TBC1D5: variants seen among roughly 807,000 people sequenced by gnomAD.
TBC1D5 encodes TBC1 domain family member 5, also known as TBC1 domain family, member 5.
In TBC1D5, 75 loss-of-function variants were observed where a neutral mutation model predicts 100.3. The observed-to-expected ratio is 0.75, with a 90% CI of 0.62 to 0.91. The LOEUF (loss-of-function observed/expected upper bound fraction) is 0.91, where lower values mean the gene tolerates loss of function less well. TBC1D5 is among the 40% of genes least tolerant of loss of function. The pLI is 0.00. For missense variants in TBC1D5, 910 were observed against 942.4 expected (o/e 0.97, Z 0.45); for synonymous variants, 323 against 325.6 (o/e 0.99, Z 0.09).
At chr3:17,313,353 C>A (rs770823197) in intron 13 of TBC1D5, among the ~76,000 whole-genome samples, 36 of 152,064 alleles carry the variant, frequency 2.4e-4, no homozygotes, top group Non-Finnish European at 4.6e-4. Flanking sequence ...GTTGGGAAAA[C>A]GAATTTTAGG....
intron 14 of TBC1D5, among the ~76,000 whole-genome samples, chr3:17,302,146 G>A (rs986450650): frequency 1.3e-5 from 2 of 152,130 alleles, no homozygotes; most frequent in Non-Finnish European, 2.9e-5. Flanking sequence ...TTAGCAGCAT[G>A]TTTCTTCTGA....
intron 15 of TBC1D5, among the ~76,000 whole-genome samples, chr3:17,289,203 C>T (rs565850161): frequency 2.0e-5 from 3 of 152,300 alleles, no homozygotes; most frequent in African/African-American, 4.8e-5. Flanking sequence ...ACCCTGCACT[C>T]GCTTGCCCAT....
intron 16 of TBC1D5, among the ~76,000 whole-genome samples, chr3:17,246,942 G>C (rs749402655): frequency 6.6e-6 from 1 of 152,276 alleles, no homozygotes; most frequent in South Asian, 2.1e-4. Context: ...TGATAAAAGC[G>C]TCTTTATATA....
At chr3:17,321,187 G>C (rs1303160471) in intron 13 of TBC1D5, among the ~76,000 whole-genome samples, 2 of 152,094 alleles carry the variant, frequency 1.3e-5, no homozygotes, top group Non-Finnish European at 2.9e-5. Context: ...CTGGCCTCAG[G>C]CTCCTGAGTA....
chr3:17,211,648 C>A (rs1381771268), intron 18 of TBC1D5, among the ~76,000 whole-genome samples: 2 of 152,160 alleles, frequency 1.3e-5, no homozygotes, highest in Admixed American at 6.5e-5. Context: ...TTTTTGCCTA[C>A]CACTGACTTA....
At chr3:17,651,733 C>A (rs1651254956) in intron 1 of TBC1D5, among the ~76,000 whole-genome samples, 1 of 152,008 alleles carries the variant, frequency 6.6e-6, no homozygotes, top group Non-Finnish European at 1.5e-5. Context: ...TTTCCTCCCC[C>A]ACTCCAGGAG....
At chr3:17,283,927 C>T (rs2080876140) in intron 15 of TBC1D5, among the ~76,000 whole-genome samples, 1 of 152,066 alleles carries the variant, frequency 6.6e-6, no homozygotes, top group African/African-American at 2.4e-5. Context: ...TTTGCATTTG[C>T]TATTCCCCTT....
At chr3:17,454,190 C>T (rs2094995350) in intron 3 of TBC1D5, among the ~76,000 whole-genome samples, 1 of 152,080 alleles carries the variant, frequency 6.6e-6, no homozygotes, top group Admixed American at 6.6e-5. Flanking sequence ...AATTGAAAGC[C>T]TTTTCTTTAA....
chr3:17,509,812 C>A (rs933171197), intron 2 of TBC1D5, among the ~76,000 whole-genome samples: 4 of 151,988 alleles, frequency 2.6e-5, no homozygotes, highest in African/African-American at 9.7e-5. Context: ...GTTATACTTA[C>A]AAGTTTTTAT....
At chr3:17,635,684 C>A (rs986061838) in intron 1 of TBC1D5, among the ~76,000 whole-genome samples, 9 of 151,916 alleles carry the variant, frequency 5.9e-5, no homozygotes, top group Admixed American at 2.0e-4. Context: ...ATTAAAAGGT[C>A]AAATGACTGA....
chr3:17,219,191 C>T (rs539282923), intron 17 of TBC1D5, among the ~76,000 whole-genome samples: 1 of 151,570 alleles, frequency 6.6e-6, no homozygotes, highest in African/African-American at 2.4e-5. Flanking sequence ...TGCTGTTGAG[C>T]CCCTGTAATA....
At chr3:17,300,666 A>G (rs1158937749) in intron 14 of TBC1D5, among the ~76,000 whole-genome samples, 1 of 152,232 alleles carries the variant, frequency 6.6e-6, no homozygotes, top group East Asian at 1.9e-4. Context: ...CTGGCTGAAA[A>G]AACAAGGCAG....
intron 4 of TBC1D5, among the ~76,000 whole-genome samples, chr3:17,424,684 T>G (rs2094297099): frequency 6.6e-6 from 1 of 152,156 alleles, no homozygotes; most frequent in Non-Finnish European, 1.5e-5. Flanking sequence ...CAAATAATAA[T>G]TATACTGGTG....
intron 15 of TBC1D5, among the ~76,000 whole-genome samples, chr3:17,288,362 T>C (rs2081375316): frequency 6.6e-6 from 1 of 152,066 alleles, no homozygotes; most frequent in South Asian, 2.1e-4. Context: ...CAGGGATGGG[T>C]CCCTGATGAA....
At chr3:17,614,145 C>G (rs2061918470) in intron 2 of TBC1D5, among the ~76,000 whole-genome samples, 1 of 152,176 alleles carries the variant, frequency 6.6e-6, no homozygotes, top group Non-Finnish European at 1.5e-5. Flanking sequence ...AATAAAGAAT[C>G]CTATCCCCAT....
intron 3 of TBC1D5, among the ~76,000 whole-genome samples, chr3:17,508,226 T>C (rs1193831325): frequency 2.0e-5 from 3 of 152,236 alleles, no homozygotes; most frequent in East Asian, 1.9e-4. Flanking sequence ...GTTCAGTTTA[T>C]TATTTTATTT....
intron 2 of TBC1D5, among the ~76,000 whole-genome samples, chr3:17,591,405 G>A (rs1359501738): frequency 1.3e-5 from 2 of 151,998 alleles, no homozygotes; most frequent in African/African-American, 4.8e-5. Context: ...TTTATGCAGT[G>A]AATCTTTCTC....
intron 14 of TBC1D5, among the ~76,000 whole-genome samples, chr3:17,303,833 C>CTTTTTT (rs140988557): frequency 2.4e-5 from 2 of 84,486 alleles, no homozygotes; most frequent in East Asian, 3.3e-4. Flanking sequence ...CAATCTACCT[C>CTTTTTT]TTTTTTTTTT....
chr3:17,448,384 T>TAGATCTTAATAGATTCTTAATAG (rs2094847786), intron 3 of TBC1D5, among the ~76,000 whole-genome samples: 2 of 152,192 alleles, frequency 1.3e-5, no homozygotes, highest in African/African-American at 2.4e-5. Flanking sequence ...GAATCATGAA[T>TAGATCTTAATAGATTCTTAATAG]ATTCTTAATA....
Sources: allele counts gnomAD v4.1 joint callset (sites outside exome capture counted in the v4.1 genomes callset), GRCh38; gene constraint gnomAD v4.1.1; transcripts MANE v1.5; gene names NCBI Gene and HGNC (gene_info 2026-07-23, HGNC 2026-07-21).